Variants in PCDH15 observed in about 807,000 individuals in gnomAD.
PCDH15 encodes protocadherin-15.
A neutral mutation model predicts 178.5 loss-of-function variants in PCDH15; 129 were observed. That is an observed-to-expected ratio of 0.72 (90% CI 0.63 to 0.84). The LOEUF (loss-of-function observed/expected upper bound fraction) is 0.84, where lower values mean the gene tolerates loss of function less well. PCDH15 is among the 40% of genes least tolerant of loss of function. The pLI is 0.00. For synonymous variants in PCDH15, 800 were observed against 732.0 expected (o/e 1.09, Z -1.50); for missense variants, 2,230 against 2,099.9 (o/e 1.06, Z -1.21).
rs1291774713 is a variant in PCDH15, at chr10:53,938,882, G to C, written c.3306C>G (p.Ser1102Arg). The change falls in exon 25 of 38, where the codon AGC becomes AGG. Residue 1102 changes from serine to arginine, a missense_variant. Coordinates refer to ENST00000644397, the MANE Select transcript of PCDH15 (RefSeq NM_001384140.1). Reference protein sequence around the residue: ...NGPLDYETRTSYVLRVQADSL... With the variant: ...NGPLDYETRTRYVLRVQADSL... ...AATCAGCTTGGACTCGAAGTACATA[G>C]CTTGTCCTGGTCTCATAATCCAGAG... 4 of 1,613,402 alleles carry C rather than the reference G, an allele frequency of 2.5e-6. No individual in the cohort carries two copies. The highest frequency in any genetic ancestry group is 3.4e-6 in the Non-Finnish European group (4 of 1,179,590).
intron 15 of PCDH15, among the ~76,000 whole-genome samples, chr10:54,115,595 A>G (rs2095099509): frequency 6.6e-6 from 1 of 152,188 alleles, no homozygotes; most frequent in African/African-American, 2.4e-5. Flanking sequence ...TCTCCTTGTC[A>G]CAGCCTTACA....
chr10:54,610,478 T>C (rs2134235269), intron 2 of PCDH15, among the ~76,000 whole-genome samples: 1 of 151,990 alleles, frequency 6.6e-6, no homozygotes, highest in East Asian at 1.9e-4. Context: ...ATCACATAGC[T>C]AGTTTATGGC....
Position 53,973,482 on chromosome 10 carries a change from G to A in PCDH15, c.2869-11590C>T, listed in dbSNP as rs557262527. On this transcript the variant is annotated intron_variant, in intron 21 of 37. Coordinates refer to ENST00000644397, the MANE Select transcript of PCDH15 (RefSeq NM_001384140.1). ...AAAACAAATCAATATTTAAAATTGC[G>A]TTACTACGGCGATATATTTCTTTTC... Among the ~76,000 whole-genome samples, 181 of 151,918 alleles carry A rather than the reference G, an allele frequency of 1.2e-3. 1 individual carries two copies. Among genetic ancestry groups the A allele is most frequent in the African/African-American group, 4.1e-3 (170 of 41,420 alleles).
chr10:55,601,763 C>A (rs1188537696), intron 2 of PCDH15, among the ~76,000 whole-genome samples: 6 of 152,130 alleles, frequency 3.9e-5, no homozygotes, highest in Admixed American at 3.3e-4. Context: ...TTGAAAAATT[C>A]ATATACTGAC....
At chr10:55,014,052 ATTAC>A (rs964916303) in intron 2 of PCDH15, among the ~76,000 whole-genome samples, 8 of 152,226 alleles carry the variant, frequency 5.3e-5, no homozygotes, top group African/African-American at 1.2e-4. Flanking sequence ...ATAATAAATA[ATTAC>A]TTAAGGCAAA....
chr10:54,965,669 C>G lies in PCDH15; in HGVS notation c.-79-68169G>C, dbSNP rs114448610. Among the ~76,000 whole-genome samples the G allele has an allele frequency of 9.0e-3, 1,204 of 134,076 alleles. 18 individuals are homozygous for G. The highest frequency in any genetic ancestry group is 0.032 in the African/African-American group (1,115 of 34,552). The allele number at this position is 134,076 out of a possible 152,430, so 88.0% of individuals were successfully genotyped here. A position where few individuals can be genotyped will look rare whatever the true frequency, so the allele number is the denominator to read the frequency against. On this transcript the variant is annotated intron_variant, in intron 2 of 5. Transcript: ENST00000458638. ...GTATATGTGGATTAGCTTGCTATGTCTTTGAAAAGCCACATTAATTTTTTT... is the reference window on the plus strand; with the variant it reads ...GTATATGTGGATTAGCTTGCTATGTGTTTGAAAAGCCACATTAATTTTTTT...
intron 2 of PCDH15, among the ~76,000 whole-genome samples, chr10:55,377,219 G>A (rs1365785032): frequency 6.6e-6 from 1 of 150,586 alleles, no homozygotes. Flanking sequence ...AGTGTCCAAG[G>A]CAAACTATTT....
chr10:55,396,588 T>A (rs1195311391), intron 2 of PCDH15, among the ~76,000 whole-genome samples: 1 of 152,138 alleles, frequency 6.6e-6, no homozygotes, highest in Admixed American at 6.5e-5. Flanking sequence ...CAAGAAATAT[T>A]AGAATGATGC....
chr10:54,247,916 A>G (rs1172117521), intron 8 of PCDH15, among the ~76,000 whole-genome samples: 1 of 146,000 alleles, frequency 6.8e-6, no homozygotes, highest in African/African-American at 2.6e-5. Context: ...TGCATGATTG[A>G]TGTGAGGATG....
At chr10:54,601,549 G>A (rs921018076) in intron 2 of PCDH15, among the ~76,000 whole-genome samples, 12 of 151,990 alleles carry the variant, frequency 7.9e-5, no homozygotes, top group African/African-American at 2.9e-4. Flanking sequence ...AGCATATGTT[G>A]GCCTGGTTGT....
intron 2 of PCDH15, among the ~76,000 whole-genome samples, chr10:55,347,452 T>C (rs1473271134): frequency 2.6e-5 from 4 of 152,274 alleles, no homozygotes; most frequent in South Asian, 2.1e-4. Flanking sequence ...AAACTAATTA[T>C]CAATGGCTTA....
chr10:55,281,647 C>T (rs1349229828), intron 1 of PCDH15, among the ~76,000 whole-genome samples: 2 of 152,110 alleles, frequency 1.3e-5, no homozygotes, highest in African/African-American at 4.8e-5. Flanking sequence ...CAATGACTCG[C>T]ACATGTGTCT....
At chr10:55,325,103 T>A (rs1053011370) in intron 2 of PCDH15, among the ~76,000 whole-genome samples, 1 of 152,110 alleles carries the variant, frequency 6.6e-6, no homozygotes, top group Non-Finnish European at 1.5e-5. Context: ...CATTCCCTAT[T>A]CATGGACAGG....
intron 1 of PCDH15, among the ~76,000 whole-genome samples, chr10:55,303,737 A>G (rs1038836418): frequency 6.6e-6 from 1 of 152,076 alleles, no homozygotes; most frequent in African/African-American, 2.4e-5. Context: ...TTTGATATCT[A>G]TAGAGTCTTT....
chr10:54,192,196 A>T (rs1470218566), intron 11 of PCDH15, among the ~76,000 whole-genome samples: 1 of 139,668 alleles, frequency 7.2e-6, no homozygotes, highest in Non-Finnish European at 1.5e-5. Flanking sequence ...GAAAGAAAGG[A>T]AAGAAGGAAG....
intron 2 of PCDH15, among the ~76,000 whole-genome samples, chr10:54,946,668 A>C (rs1838206824): frequency 6.6e-6 from 1 of 151,874 alleles, no homozygotes; most frequent in Non-Finnish European, 1.5e-5. Context: ...TTTTGAAATA[A>C]ATTTGAAGAA....
At chr10:54,764,760 A>G (rs1405087406) in intron 1 of PCDH15, among the ~76,000 whole-genome samples, 3 of 152,134 alleles carry the variant, frequency 2.0e-5, no homozygotes, top group Non-Finnish European at 4.4e-5. Flanking sequence ...ATGTCAGGGA[A>G]GTGAAGACAA....
Position 55,497,838 on chromosome 10 carries a change from T to C in PCDH15, c.-156+129787A>G, listed in dbSNP as rs147213925. 2.5e-3 allele frequency among the ~76,000 whole-genome samples: 384 copies of C among 151,994 alleles called. 3 individuals are homozygous for C. Among genetic ancestry groups the C allele is most frequent in the African/African-American group, 9.0e-3 (372 of 41,528 alleles). On this transcript the variant is annotated intron_variant, in intron 2 of 5. Coordinates refer to the PCDH15 transcript ENST00000613346. Reference sequence around the variant, plus strand: ...TCACATATCTGGCAAGATGATTCTATCTACACATAGATAAATGTAAGTGGA... The same window carrying C: ...TCACATATCTGGCAAGATGATTCTACCTACACATAGATAAATGTAAGTGGA...
intron 2 of PCDH15, among the ~76,000 whole-genome samples, chr10:54,540,502 T>C (rs993713822): frequency 6.6e-6 from 1 of 152,082 alleles, no homozygotes; most frequent in South Asian, 2.1e-4. Flanking sequence ...AGTTCCATAT[T>C]GACTCAGTAA....
Sources: gnomAD v4.1 joint callset for allele counts (sites outside exome capture counted in the v4.1 genomes callset) on GRCh38, gnomAD v4.1.1 for gene constraint, MANE v1.5 for transcripts, NCBI Gene and HGNC (gene_info 2026-07-23, HGNC 2026-07-21) for gene names.